Variants in NR3C2 observed in about 807,000 individuals in gnomAD.
NR3C2 encodes mineralocorticoid receptor.
Under a neutral mutation model 86.4 loss-of-function variants are expected in NR3C2, and 15 were observed. The observed-to-expected ratio is 0.17, with a 90% CI of 0.12 to 0.27. NR3C2 has a LOEUF of 0.27. NR3C2 is among the 10% of genes least tolerant of loss of function. The pLI is 1.00. For synonymous variants in NR3C2, 458 were observed against 450.5 expected (o/e 1.02, Z -0.21); for missense variants, 960 against 1,195.6 (o/e 0.80, Z 2.91).
intron 2 of NR3C2, among the ~76,000 whole-genome samples, chr4:148,355,195 C>G (rs1010788271): frequency 2.6e-5 from 4 of 152,150 alleles, no homozygotes; most frequent in Non-Finnish European, 4.4e-5. Context: ...ACTTATACAT[C>G]AGGCTTCTCA....
chr4:148,300,831 C>A lies in NR3C2; in HGVS notation c.1758-40714G>T, dbSNP rs186781020. On this transcript the variant is annotated intron_variant, in intron 2 of 8. Coordinates refer to ENST00000358102, the MANE Select transcript of NR3C2 (RefSeq NM_000901.5). ...AGGTAATCCACCCACCTTGGCCTCCCAAAGTGTTGGGATTACAGGCATGAG... is the reference window on the plus strand; with the variant it reads ...AGGTAATCCACCCACCTTGGCCTCCAAAAGTGTTGGGATTACAGGCATGAG... 2.7e-3 allele frequency among the ~76,000 whole-genome samples: 414 copies of A among 152,298 alleles called. 6 individuals carry two copies. Among genetic ancestry groups the A allele is most frequent in the South Asian group, 5.6e-3 (27 of 4,828 alleles).
chr4:148,441,008 G>A (rs993075239), intron 1 of NR3C2, among the ~76,000 whole-genome samples: 1 of 152,146 alleles, frequency 6.6e-6, no homozygotes, highest in Non-Finnish European at 1.5e-5. Context: ...TTCACTATAT[G>A]TAACTATTTT....
At chr4:148,412,518 T>C (rs1283537505) in intron 2 of NR3C2, among the ~76,000 whole-genome samples, 2 of 152,174 alleles carry the variant, frequency 1.3e-5, no homozygotes, top group African/African-American at 4.8e-5. Context: ...CACTGTCTAT[T>C]GGTAATTTAA....
chr4:148,444,115 CGCGGGCG>C, upstream of NR3C2: 1 of 985,392 alleles, frequency 1.0e-6, no homozygotes, highest in Non-Finnish European at 1.2e-6. Flanking sequence ...GTCGGCAGAG[CGCGGGCG>C]GCGGGCGGGA....
At chr4:148,293,812 C>T (rs1038383274) in intron 2 of NR3C2, among the ~76,000 whole-genome samples, 10 of 152,096 alleles carry the variant, frequency 6.6e-5, no homozygotes, top group Non-Finnish European at 1.5e-4. Flanking sequence ...TTCAGATTTT[C>T]CAGAGGTAAT....
chr4:148,194,020 G>A (rs957943408), intron 4 of NR3C2, among the ~76,000 whole-genome samples: 3 of 152,070 alleles, frequency 2.0e-5, no homozygotes, highest in African/African-American at 7.2e-5. Flanking sequence ...TCTGATAATC[G>A]ATGAGCAAAT....
intron 3 of NR3C2, 74 bp downstream of exon 3, chr4:148,259,904 T>G: frequency 6.4e-7 from 1 of 1,565,204 alleles, no homozygotes; most frequent in Non-Finnish European, 8.8e-7. Flanking sequence ...CCAATAATGC[T>G]ATAGCATTAG....
At chr4:148,115,601 C>CA in intron 7 of NR3C2, among the ~76,000 whole-genome samples, 1 of 152,284 alleles carries the variant, frequency 6.6e-6, no homozygotes, top group Middle Eastern at 3.4e-3. Flanking sequence ...GTATTGTGTG[C>CA]AACCCTGGAA....
intron 2 of NR3C2, among the ~76,000 whole-genome samples, chr4:148,292,910 T>G (rs1741864267): frequency 6.6e-6 from 1 of 152,026 alleles, no homozygotes; most frequent in African/African-American, 2.4e-5. Flanking sequence ...ACAAGCAAAC[T>G]ATACTCAAGG....
At chr4:148,379,807 G>A (rs926961445) in intron 2 of NR3C2, among the ~76,000 whole-genome samples, 4 of 151,722 alleles carry the variant, frequency 2.6e-5, no homozygotes, top group African/African-American at 9.7e-5. Flanking sequence ...CATTAAACCT[G>A]GCCTCTGATC....
At chr4:148,127,159 T>C (rs1041155046) in intron 6 of NR3C2, among the ~76,000 whole-genome samples, 1 of 152,222 alleles carries the variant, frequency 6.6e-6, no homozygotes, top group Non-Finnish European at 1.5e-5. Flanking sequence ...CAATATAGCT[T>C]GAAATTTCAA....
chr4:148,444,167 C>T, upstream of NR3C2: 4 of 985,406 alleles, frequency 4.1e-6, no homozygotes, highest in Non-Finnish European at 4.8e-6. Context: ...CCTGGGCACG[C>T]GAGGCGGCGG....
At chr4:148,295,923 A>AT (rs999593736) in intron 2 of NR3C2, among the ~76,000 whole-genome samples, 7 of 151,552 alleles carry the variant, frequency 4.6e-5, no homozygotes, top group African/African-American at 1.7e-4. Flanking sequence ...TAATAATTGC[A>AT]TTTTTTATTA....
chr4:148,116,307 A>C (rs1408799003), intron 7 of NR3C2, among the ~76,000 whole-genome samples: 1 of 152,364 alleles, frequency 6.6e-6, no homozygotes, highest in African/African-American at 2.4e-5. Context: ...TGTAACTGAA[A>C]TATATTGTAC....
intron 2 of NR3C2, among the ~76,000 whole-genome samples, chr4:148,305,301 C>T (rs1742558155): frequency 6.6e-6 from 1 of 151,990 alleles, no homozygotes; most frequent in Non-Finnish European, 1.5e-5. Context: ...CTCCATTCTC[C>T]TCAGAATAAA....
At chr4:148,323,190 C>T (rs1306952137) in intron 2 of NR3C2, among the ~76,000 whole-genome samples, 4 of 131,200 alleles carry the variant, frequency 3.0e-5, no homozygotes, top group Non-Finnish European at 1.7e-5. Flanking sequence ...TTAGGCTGCT[C>T]GGGGGTCAGG....
intron 4 of NR3C2, among the ~76,000 whole-genome samples, chr4:148,166,421 C>T (rs1033950006): frequency 3.9e-5 from 6 of 152,206 alleles, no homozygotes; most frequent in African/African-American, 1.4e-4. Flanking sequence ...CTGCCCTGCC[C>T]AGCTCTGTTT....
At chr4:148,216,105 G>A (rs1198417294) in intron 3 of NR3C2, among the ~76,000 whole-genome samples, 1 of 152,090 alleles carries the variant, frequency 6.6e-6, no homozygotes, top group Non-Finnish European at 1.5e-5. Flanking sequence ...TAATGGGAAA[G>A]CAACCATAGA....
intron 6 of NR3C2, among the ~76,000 whole-genome samples, chr4:148,143,807 T>A (rs1027504386): frequency 6.6e-6 from 1 of 151,364 alleles, no homozygotes; most frequent in Non-Finnish European, 1.5e-5. Context: ...ATTAACCAGG[T>A]GTGGTGGCAC....
Sources: gnomAD v4.1 joint callset for allele counts (sites outside exome capture counted in the v4.1 genomes callset) on GRCh38, gnomAD v4.1.1 for gene constraint, MANE v1.5 for transcripts, NCBI Gene and HGNC (gene_info 2026-07-23, HGNC 2026-07-21) for gene names.